ABCB1: variants seen among roughly 807,000 people sequenced by gnomAD.
The protein encoded by ABCB1 is ATP-dependent translocase ABCB1.
ABCB1 carries 69 observed loss-of-function variants against 142.0 expected under a neutral mutation model. The observed-to-expected ratio is 0.49, with a 90% CI of 0.40 to 0.59. The LOEUF is 0.59. Among genes scored for constraint, ABCB1 ranks in the 20% least tolerant of loss-of-function variants. The pLI, the probability that ABCB1 is intolerant of heterozygous loss-of-function variation, is 0.00. For synonymous variants in ABCB1, 532 were observed against 539.2 expected (o/e 0.99, Z 0.18); for missense variants, 1,326 against 1,554.7 (o/e 0.85, Z 2.47).
At chr7:87,675,093 G>A (rs1826192283) in intron 1 of ABCB1, among the ~76,000 whole-genome samples, 1 of 152,194 alleles carries the variant, frequency 6.6e-6, no homozygotes, top group South Asian at 2.1e-4. Context: ...GTGAGAGCGG[G>A]CCGCTCCTCA....
chr7:87,659,361 TG>T (rs1389350579), intron 1 of ABCB1: 5 of 286,114 alleles, frequency 1.7e-5, no homozygotes, highest in African/African-American at 1.1e-4. Context: ...TTATTTATAT[TG>T]TTTTTTAGTG....
intron 1 of ABCB1, among the ~76,000 whole-genome samples, chr7:87,665,349 G>T (rs1450420387): frequency 1.3e-5 from 2 of 151,936 alleles, no homozygotes; most frequent in Admixed American, 1.3e-4. Flanking sequence ...CATCAGAAAA[G>T]AATAATATAC....
rs1242660721 is a variant in ABCB1 at position 87,700,583 on chromosome 7, A to T, written c.-331+12578T>A. 1.5e-5 allele frequency: 22 copies of T among 1,453,070 alleles called. 1 individual carries two copies. In the Middle Eastern group the frequency reaches 5.5e-4, roughly 36 times the overall value. 90.0% of individuals were successfully genotyped at this position (1,453,070 alleles called of 1,614,324 possible). A position where few individuals can be genotyped will look rare whatever the true frequency, so the allele number is the denominator to read the frequency against. Reference sequence around the variant, plus strand: ...AGACATTGGTCAGAGACTCGTTTCTATTTTTTTTTTCATTGCATGTATTTG... The same window carrying T: ...AGACATTGGTCAGAGACTCGTTTCTTTTTTTTTTTTCATTGCATGTATTTG... On this transcript the variant is annotated intron_variant, in intron 1 of 28. Transcript: ENST00000265724.
intron 21 of ABCB1, chr7:87,522,063 C>T: frequency 9.0e-7 from 1 of 1,113,408 alleles, no homozygotes. Flanking sequence ...GCTCTGGGAA[C>T]TTTGGTGGTG....
intron 4 of ABCB1, among the ~76,000 whole-genome samples, chr7:87,575,743 T>C (rs548069800): frequency 1.3e-5 from 2 of 152,292 alleles, no homozygotes; most frequent in South Asian, 4.1e-4. Flanking sequence ...GGAACTACAG[T>C]CTTTTTATGT....
chr7:87,562,374 T>C (rs981844582), intron 7 of ABCB1, among the ~76,000 whole-genome samples: 1 of 152,190 alleles, frequency 6.6e-6, no homozygotes, highest in Non-Finnish European at 1.5e-5. Context: ...CCCACCATAT[T>C]TGCAGAACCA....
At chr7:87,593,120 T>A (rs1019572703) in intron 3 of ABCB1, among the ~76,000 whole-genome samples, 1 of 151,944 alleles carries the variant, frequency 6.6e-6, no homozygotes, top group African/African-American at 2.4e-5. Flanking sequence ...ATAGACAGGG[T>A]TTTGTCATGT....
At chr7:87,561,067 G>C (rs41278758) in intron 8 of ABCB1, among the ~76,000 whole-genome samples, 196 bp downstream of exon 8, 3 of 152,230 alleles carry the variant, frequency 2.0e-5, no homozygotes, top group Non-Finnish European at 2.9e-5. Flanking sequence ...AAAACTCTTT[G>C]AATTAGCAGA....
At chr7:87,587,874 C>CAAAA (rs35238388) in intron 3 of ABCB1, among the ~76,000 whole-genome samples, 4 of 82,052 alleles carry the variant, frequency 4.9e-5, no homozygotes, top group African/African-American at 1.5e-4. Flanking sequence ...GACTCTGTCT[C>CAAAA]AAAAAAAAAA....
intron 2 of ABCB1, among the ~76,000 whole-genome samples, chr7:87,598,212 T>C (rs954438594): frequency 2.6e-5 from 4 of 152,232 alleles, no homozygotes; most frequent in African/African-American, 7.2e-5. Context: ...CAAAATTACT[T>C]TATCTTTTTA....
chr7:87,602,595 A>G (rs28381796), upstream of ABCB1, among the ~76,000 whole-genome samples: 540 of 151,350 alleles, frequency 3.6e-3, 6 homozygotes, highest in East Asian at 0.05. Flanking sequence ...ATGGCCTTAA[A>G]CCCTCCCTAA....
chr7:87,650,900 A>T (rs1435782212), intron 1 of ABCB1: 1 of 1,612,714 alleles, frequency 6.2e-7, no homozygotes, highest in South Asian at 1.1e-5. Context: ...ACAATTTTGC[A>T]GCTATTTTGG....
chr7:87,511,245 T>C (rs1814993647), intron 25 of ABCB1, among the ~76,000 whole-genome samples: 1 of 152,140 alleles, frequency 6.6e-6, no homozygotes, highest in African/African-American at 2.4e-5. Context: ...CAGAGCTTCT[T>C]TGGCTGAGGA....
At chr7:87,664,582 A>G (rs2130474084) in intron 1 of ABCB1, among the ~76,000 whole-genome samples, 1 of 152,286 alleles carries the variant, frequency 6.6e-6, no homozygotes, top group East Asian at 1.9e-4. Flanking sequence ...AGGAAGAACC[A>G]TGGAAATTTA....
intron 4 of ABCB1, among the ~76,000 whole-genome samples, chr7:87,577,897 C>T (rs1239187862): frequency 6.6e-6 from 1 of 152,158 alleles, no homozygotes; most frequent in Non-Finnish European, 1.5e-5. Flanking sequence ...ATTGTTTCCT[C>T]TGCAGTCCAG....
intron 1 of ABCB1, among the ~76,000 whole-genome samples, chr7:87,642,345 G>A (rs190573912): frequency 1.0e-3 from 152 of 151,952 alleles, no homozygotes; most frequent in African/African-American, 3.6e-3. Flanking sequence ...TGTTCTTCAC[G>A]TTGTTCTATT....
chr7:87,655,154 G>T (rs563888193), intron 1 of ABCB1, among the ~76,000 whole-genome samples: 1 of 152,146 alleles, frequency 6.6e-6, no homozygotes, highest in East Asian at 1.9e-4. Context: ...ACTGCCATTA[G>T]TCTTCTATGT....
chr7:87,569,055 G>C (rs1259616639), intron 5 of ABCB1, among the ~76,000 whole-genome samples: 4 of 152,048 alleles, frequency 2.6e-5, no homozygotes, highest in African/African-American at 9.7e-5. Flanking sequence ...ATTTTCGGCA[G>C]GGCATGGCGG....
intron 1 of ABCB1, among the ~76,000 whole-genome samples, chr7:87,677,377 A>G (rs749360004): frequency 2.6e-5 from 4 of 151,928 alleles, no homozygotes. Flanking sequence ...GCAGTAACAG[A>G]TGAACCTGGA....
Sources: allele counts gnomAD v4.1 joint callset (sites outside exome capture counted in the v4.1 genomes callset), GRCh38; gene constraint gnomAD v4.1.1; transcripts MANE v1.5; gene names NCBI Gene and HGNC (gene_info 2026-07-23, HGNC 2026-07-21).